QSOX1: variants seen among roughly 807,000 people sequenced by gnomAD.
QSOX1 encodes quiescin sulfhydryl oxidase 1.
In QSOX1, 40 loss-of-function variants were observed where a neutral mutation model predicts 76.1. The ratio of observed to expected loss-of-function variants is 0.53; its 90% CI spans 0.41 to 0.68. The LOEUF (loss-of-function observed/expected upper bound fraction) is 0.68, where lower values mean the gene tolerates loss of function less well. Ranked by LOEUF, QSOX1 falls within the 30% of genes least tolerant of loss-of-function variation. The pLI is 0.00. For missense variants in QSOX1, 931 were observed against 974.3 expected, an observed-to-expected ratio of 0.96 and a Z score of 0.59; for synonymous variants, 392 against 413.1, an observed-to-expected ratio of 0.95 and a Z score of 0.62.
In QSOX1 at chr1:180,196,591, G is replaced by T; in HGVS notation, c.1798G>T (p.Gly600Ter). The change falls in exon 12 of 12, where the codon GGA becomes TGA. Residue 600 changes from glycine to a stop codon, truncating the protein, a stop_gained. Coordinates refer to ENST00000367602, the MANE Select transcript of QSOX1 (RefSeq NM_002826.5). LOFTEE classifies it high-confidence loss of function. The surrounding 1 kb of genome is among the most constrained non-coding windows in gnomAD (Gnocchi z 4.1). Reference protein sequence around the residue: ...TNTTPHVPAEGPEASRPPKLH... With the variant: ...TNTTPHVPAE ...CACCACCCCACATGTGCCGGCTGAG[G>T]GACCTGAGGCAAGTCGACCCCCGAA... The T allele has an allele frequency of 7.4e-6, 12 of 1,614,142 alleles. No individual in the cohort carries two copies. Among genetic ancestry groups the T allele is most frequent in the Non-Finnish European group, 1.0e-5 (12 of 1,180,038 alleles).
At chr1:180,179,285 C>T (rs1333444345) in intron 5 of QSOX1, among the ~76,000 whole-genome samples, 1 of 152,182 alleles carries the variant, frequency 6.6e-6, no homozygotes, top group Non-Finnish European at 1.5e-5. Flanking sequence ...CACAGTGTCC[C>T]ACTCCATGGG....
intron 1 of QSOX1, among the ~76,000 whole-genome samples, chr1:180,155,415 C>G (rs1204675685): frequency 1.3e-5 from 2 of 152,182 alleles, no homozygotes; most frequent in Admixed American, 1.3e-4. Flanking sequence ...GGCCTGGGCC[C>G]CCAGACCTGC....
rs2278943 is a variant in QSOX1, at chr1:180,184,043, G to T, written c.880G>T (p.Ala294Ser). 143 of 1,614,148 alleles carry T rather than the reference G, an allele frequency of 8.9e-5. 1 individual carries two copies. The East Asian group carries it at 2.6e-3, about 29-fold the overall frequency. ...NKIAPTVWKLADRSKIYMADL... is the reference protein window; with the variant it reads ...NKIAPTVWKLSDRSKIYMADL... ...GATAGCTCCCACTGTTTGGAAATTG[G>T]CAGATCGGTAAGGCTACGCCTGGTT... The change falls in exon 7 of 12, where the codon GCA becomes TCA. Residue 294 changes from alanine to serine, a missense_variant. Coordinates refer to ENST00000367602, the MANE Select transcript of QSOX1 (RefSeq NM_002826.5).
chr1:180,188,884 A>C (rs1020435854), intron 8 of QSOX1, among the ~76,000 whole-genome samples: 1 of 152,188 alleles, frequency 6.6e-6, no homozygotes, highest in Non-Finnish European at 1.5e-5. Flanking sequence ...ACACACACAC[A>C]CATACACACA....
Position 180,195,056 on chromosome 1 carries a change from G to T in QSOX1, c.1468+664G>T, listed in dbSNP as rs115616709. On this transcript the variant is annotated intron_variant, in intron 11 of 11. Transcript: ENST00000367602. The stretch of plus-strand genomic sequence containing the variant: ...GGAGCTGAATGGAGCAGGTGGTGGT[G>T]CAGGCGCCTGCACTTGGTCGTGGTC... 5.9e-3 allele frequency among the ~76,000 whole-genome samples: 899 copies of T among 152,138 alleles called. 7 individuals carry two copies. Among genetic ancestry groups the T allele is most frequent in the African/African-American group, 0.021 (861 of 41,466 alleles).
In QSOX1 at chr1:180,197,703, G is replaced by A. The variant is rs931265679; in HGVS notation, c.*666G>A. On this transcript the variant is annotated 3_prime_UTR_variant, in exon 12 of 12. Transcript: ENST00000367602. ...AGTGGCTTGCTTGGTGGGACCTGAC[G>A]AGTTGGTGGCATGGGAAGGATGTGG... The A allele has an allele frequency of 6.1e-6, 2 of 328,912 alleles. No homozygotes were observed. The highest frequency in any genetic ancestry group is 4.4e-5 in the Admixed American group (1 of 22,920). The allele number at this position is 328,912 out of a possible 1,614,324, so 20.4% of individuals were successfully genotyped here. A position where few individuals can be genotyped will look rare whatever the true frequency, so the allele number is the denominator to read the frequency against.
chr1:180,186,906 C>T (rs1029178160), intron 8 of QSOX1, among the ~76,000 whole-genome samples: 3 of 152,218 alleles, frequency 2.0e-5, no homozygotes, highest in Non-Finnish European at 2.9e-5. Context: ...TCCCTCTCTG[C>T]GCCCTTCCCT....
chr1:180,156,511 C>A (rs1662379456), intron 1 of QSOX1, among the ~76,000 whole-genome samples: 1 of 152,214 alleles, frequency 6.6e-6, no homozygotes, highest in Non-Finnish European at 1.5e-5. Context: ...TGTTAGTTTT[C>A]AGACTCACCC....
chr1:180,170,444 C>T (rs540987178), intron 2 of QSOX1, among the ~76,000 whole-genome samples: 1 of 152,268 alleles, frequency 6.6e-6, no homozygotes, highest in South Asian at 2.1e-4. Flanking sequence ...TGAATGCCAT[C>T]GGTGTCACCC....
intron 3 of QSOX1, 98 bp from the exon 4 acceptor site, chr1:180,175,833 G>C (rs1662876110): frequency 1.1e-6 from 1 of 921,722 alleles, no homozygotes. Flanking sequence ...AGCTGGCTGT[G>C]CCCTCGGCCC....
Position 180,197,484 on chromosome 1 carries a change from C to A in QSOX1, c.*447C>A. ...ACTAGCTGCTGGGGCTCCGCCCACCCTGCTCCCTTCCGGACAATGAAGAAG... is the reference window on the plus strand; with the variant it reads ...ACTAGCTGCTGGGGCTCCGCCCACCATGCTCCCTTCCGGACAATGAAGAAG... On this transcript the variant is annotated 3_prime_UTR_variant, in exon 12 of 12. Transcript: ENST00000367602. 7.7e-7 allele frequency: 1 copy of A among 1,296,814 alleles called. No homozygotes were observed. Among genetic ancestry groups the A allele is most frequent in the Non-Finnish European group, 1.1e-6 (1 of 915,786 alleles). The allele number at this position is 1,296,814 out of a possible 1,614,324, so 80.3% of individuals were successfully genotyped here.
At chr1:180,173,996 CG>C (rs1181641613) in intron 2 of QSOX1, among the ~76,000 whole-genome samples, 1 of 152,242 alleles carries the variant, frequency 6.6e-6, no homozygotes, top group Non-Finnish European at 1.5e-5. Flanking sequence ...TGCCAGAGCC[CG>C]GGGCCTGTTC....
Position 180,198,164 on chromosome 1 carries a change from G to A in QSOX1, c.*1127G>A. 2.2e-6 allele frequency: 1 copy of A among 456,632 alleles called. No homozygotes were observed. The highest frequency in any genetic ancestry group is 4.4e-6 in the Non-Finnish European group (1 of 226,874). The allele number at this position is 456,632 out of a possible 1,614,324, so 28.3% of individuals were successfully genotyped here. Reference sequence around the variant, plus strand: ...TCAGCACACACAGCTCCTGGCCACAGACTGCCCATAGAACTGTCTGCACCC... The same window carrying A: ...TCAGCACACACAGCTCCTGGCCACAAACTGCCCATAGAACTGTCTGCACCC... On this transcript the variant is annotated 3_prime_UTR_variant, in exon 12 of 12. Coordinates refer to ENST00000367602, the MANE Select transcript of QSOX1 (RefSeq NM_002826.5).
At chr1:180,185,657 T>A (rs900515125) in intron 7 of QSOX1, among the ~76,000 whole-genome samples, 1 of 152,194 alleles carries the variant, frequency 6.6e-6, no homozygotes. Context: ...ATGAACCTGC[T>A]GGTCTGATTA....
intron 2 of QSOX1, among the ~76,000 whole-genome samples, 163 bp downstream of exon 2, chr1:180,166,754 G>A (rs1662640860): frequency 6.6e-6 from 1 of 152,204 alleles, no homozygotes; most frequent in Admixed American, 6.5e-5. Flanking sequence ...CACCTCCCAA[G>A]GTCCTCTTCA....
intron 2 of QSOX1, among the ~76,000 whole-genome samples, chr1:180,173,922 C>G (rs1216267356): frequency 6.6e-6 from 1 of 152,206 alleles, no homozygotes; most frequent in Non-Finnish European, 1.5e-5. Context: ...AGGTTCGGAG[C>G]AGTTGATGCG....
chr1:180,165,093 T>C (rs1209083413), intron 1 of QSOX1, among the ~76,000 whole-genome samples: 2 of 152,208 alleles, frequency 1.3e-5, no homozygotes, highest in Admixed American at 6.5e-5. Context: ...TCGTCTAACA[T>C]TGGAGATCAC....
chr1:180,189,713 G>A (rs1304247228), intron 9 of QSOX1, 39 bp downstream of exon 9: 10 of 1,595,732 alleles, frequency 6.3e-6, no homozygotes, highest in South Asian at 2.2e-5. Flanking sequence ...TCCATCCTCC[G>A]TATTTATGAG....
chr1:180,167,598 TC>T (rs1315392199), intron 2 of QSOX1, among the ~76,000 whole-genome samples: 1 of 152,122 alleles, frequency 6.6e-6, no homozygotes, highest in East Asian at 1.9e-4. Context: ...ACCTTTCTGT[TC>T]CTCGAGCCCA....
Sources: allele counts gnomAD v4.1 joint callset (sites outside exome capture counted in the v4.1 genomes callset), GRCh38; gene constraint gnomAD v4.1.1; non-coding constraint Gnocchi (gnomAD v3.1); transcripts MANE v1.5; gene names NCBI Gene and HGNC (gene_info 2026-07-23, HGNC 2026-07-21).